Variants in NOL8 observed in about 807,000 individuals in gnomAD.
The protein encoded by NOL8 is nucleolar protein Nop132.
Under a neutral mutation model 116.1 loss-of-function variants are expected in NOL8, and 93 were observed. The observed-to-expected ratio is 0.80, with a 90% CI of 0.68 to 0.95. The LOEUF is 0.95. NOL8 is among the 40% of genes least tolerant of loss of function. The pLI is 0.00. For missense variants in NOL8, 1,291 were observed against 1,382.8 expected (o/e 0.93, Z 1.05); for synonymous variants, 419 against 469.0 (o/e 0.89, Z 1.38).
intron 7 of NOL8, among the ~76,000 whole-genome samples, chr9:92,313,665 A>G (rs1353560975): frequency 6.6e-6 from 1 of 152,214 alleles, no homozygotes; most frequent in Non-Finnish European, 1.5e-5. Flanking sequence ...CCTTTTTCCT[A>G]GAATGAAAGC....
chr9:92,298,172 C>T, intron 16 of NOL8, 85 bp downstream of exon 16: 3 of 1,015,932 alleles, frequency 3.0e-6, no homozygotes, highest in Admixed American at 2.2e-5. Flanking sequence ...TCACCTATAC[C>T]ATTCATGAGT....
intron 6 of NOL8, among the ~76,000 whole-genome samples, chr9:92,317,030 A>G (rs1471872685): frequency 2.0e-5 from 3 of 152,158 alleles, no homozygotes; most frequent in Non-Finnish European, 4.4e-5. Flanking sequence ...GTGGCTCAAT[A>G]CAGCTTCAAC....
chr9:92,309,177 T>G (rs1838539901), intron 10 of NOL8, among the ~76,000 whole-genome samples: 1 of 152,234 alleles, frequency 6.6e-6, no homozygotes, highest in African/African-American at 2.4e-5. Flanking sequence ...CTTGGTTTCC[T>G]GAAACAGTCC....
Position 92,315,719 on chromosome 9 carries a change from A to G in NOL8, c.906T>C (p.Thr302=), listed in dbSNP as rs1459765157. The change falls in exon 7 of 17, where the codon ACT becomes ACC. Residue 302 remains threonine, a synonymous_variant. Transcript: ENST00000442668. ...KKRNSISDDD[T]DSEDELRMMI... ...TCATTCTCAATTCATCTTCAGAATCAGTATCATCATCAGAAATGCTGTTTC... is the reference window on the plus strand; with the variant it reads ...TCATTCTCAATTCATCTTCAGAATCGGTATCATCATCAGAAATGCTGTTTC... The G allele has an allele frequency of 6.2e-7, 1 of 1,613,024 alleles. No homozygotes were observed. Among genetic ancestry groups the G allele is most frequent in the Non-Finnish European group, 8.5e-7 (1 of 1,179,376 alleles).
At position 92,309,746 on chromosome 9, in the gene NOL8, T is replaced by C. The variant is rs1231898524; in HGVS notation, c.2686+425A>G. Among the ~76,000 whole-genome samples the C allele has an allele frequency of 4.6e-5, 7 of 152,180 alleles. No homozygotes were observed. The East Asian group carries it at 1.4e-3, about 29-fold the overall frequency. ...AGGGATAAATTCAAGTAGAATGGCA[T>C]TCAGTGATACACAGCTTTAAAAAAT... On this transcript the variant is annotated intron_variant, in intron 10 of 16. Coordinates refer to ENST00000442668, the MANE Select transcript of NOL8 (RefSeq NM_017948.6).
intron 5 of NOL8, 83 bp downstream of exon 5, chr9:92,319,138 T>G (rs1402974126): frequency 7.1e-7 from 1 of 1,411,068 alleles, no homozygotes; most frequent in African/African-American, 1.5e-5. Context: ...TAACTGGTTT[T>G]AGACATGACA....
rs146818853 is a variant in NOL8 at position 92,319,405 on chromosome 9, G to A, written c.282-49C>T. ...TAAAAGAGTCAAAATAATCAGCCAC[G>A]TAAAATGGTTATTTCACTTTAGGTG... On this transcript the variant is annotated intron_variant, in intron 4 of 16. Coordinates refer to ENST00000442668, the MANE Select transcript of NOL8 (RefSeq NM_017948.6). The A allele has an allele frequency of 2.9e-3, 4,312 of 1,478,228 alleles. 10 individuals are homozygous for A. Among genetic ancestry groups the A allele is most frequent in the Middle Eastern group, 5.9e-3 (33 of 5,556 alleles). 91.6% of individuals were successfully genotyped at this position (1,478,228 alleles called of 1,614,324 possible).
In NOL8 at chr9:92,297,827, T is replaced by C; in HGVS notation, c.*9A>G. ...GTTCACATTCAGTATCAAAACCAGC[T>C]GACATTTATTATTTTGGTTTCATTT... On this transcript the variant is annotated 3_prime_UTR_variant, in exon 17 of 17. Transcript: ENST00000442668. 1 of 1,547,174 alleles carries C rather than the reference T, an allele frequency of 6.5e-7. No homozygotes were observed. Among genetic ancestry groups the C allele is most frequent in the Non-Finnish European group, 8.7e-7 (1 of 1,143,990 alleles).
chr9:92,319,210 A>C lies in NOL8; in HGVS notation c.417+11T>G. ...ACCATGTAATTGGCTCAGGCTACAG[A>C]GGAGACTCACCTTATGCCCTGGCAC... On this transcript the variant is annotated intron_variant, in intron 5 of 16. Coordinates refer to ENST00000442668, the MANE Select transcript of NOL8 (RefSeq NM_017948.6). The C allele has an allele frequency of 6.5e-7, 1 of 1,537,106 alleles. No homozygotes were observed. Among genetic ancestry groups the C allele is most frequent in the Non-Finnish European group, 8.7e-7 (1 of 1,150,746 alleles).
At chr9:92,300,627 A>G (rs1259196753) in intron 13 of NOL8, 3 of 1,004,260 alleles carry the variant, frequency 3.0e-6, no homozygotes, top group Non-Finnish European at 3.6e-6. Context: ...TATCGTTACT[A>G]TTTACATCAT....
intron 15 of NOL8, chr9:92,298,682 T>C (rs1407667122): frequency 2.1e-6 from 1 of 474,756 alleles, no homozygotes; most frequent in East Asian, 3.3e-5. Flanking sequence ...CAACCCTTTG[T>C]TGATGAGAAT....
intron 7 of NOL8, 40 bp from the exon 8 acceptor site, chr9:92,311,299 T>A: frequency 6.7e-7 from 1 of 1,481,630 alleles, no homozygotes; most frequent in East Asian, 2.3e-5. Context: ...TAAAAAGATT[T>A]ATGATGAAGA....
chr9:92,303,619 G>T (rs1375602836), intron 12 of NOL8, among the ~76,000 whole-genome samples: 1 of 152,070 alleles, frequency 6.6e-6, no homozygotes, highest in African/African-American at 2.4e-5. Context: ...AAAATTCTTT[G>T]TTAAGACCCT....
intron 7 of NOL8, among the ~76,000 whole-genome samples, chr9:92,313,281 G>GAGCC (rs1258708182): frequency 6.6e-6 from 1 of 152,152 alleles, no homozygotes; most frequent in African/African-American, 2.4e-5. Context: ...GTTACAGACG[G>GAGCC]AGCCGTTCGA....
Position 92,298,310 on chromosome 9 carries a change from C to A in NOL8, c.3400G>T (p.Gly1134Ter). 6.2e-7 allele frequency: 1 copy of A among 1,608,376 alleles called. No homozygotes were observed. Among genetic ancestry groups the A allele is most frequent in the Non-Finnish European group, 8.5e-7 (1 of 1,177,388 alleles). Residue 1134 changes from glycine (G) to a stop codon, truncating the protein, a stop_gained, in exon 16 of 17, where the codon GGA becomes TGA. Coordinates refer to ENST00000442668, the MANE Select transcript of NOL8 (RefSeq NM_017948.6). LOFTEE classifies it high-confidence loss of function. ...CAAGAGTTCCTGCTCATATTACTTC[C>A]TACTCCTCTCCAGAATAAGTCAGAA... ...QGSDLFWRGV[G>*]SNMSRNSWEA...
At chr9:92,311,727 G>C (rs990863077) in intron 7 of NOL8, among the ~76,000 whole-genome samples, 5 of 152,278 alleles carry the variant, frequency 3.3e-5, no homozygotes, top group Admixed American at 2.6e-4. Context: ...TGCAGAGAAA[G>C]GGAAATGCTT....
intron 5 of NOL8, 46 bp from the exon 6 acceptor site, chr9:92,318,732 GA>G: frequency 8.0e-7 from 1 of 1,244,296 alleles, no homozygotes. Context: ...GACACAAATG[GA>G]AAAGATTTAA....
Position 92,299,970 on chromosome 9 carries a change from C to T in NOL8, c.3222G>A (p.Gln1074=), listed in dbSNP as rs1231895420. The T allele has an allele frequency of 3.3e-5, 53 of 1,613,634 alleles. No individual in the cohort carries two copies. Among genetic ancestry groups the T allele is most frequent in the Non-Finnish European group, 4.2e-5 (50 of 1,179,672 alleles). ...ETVKPGKIVW[Q]EDPRLQDSSS... The stretch of plus-strand genomic sequence containing the variant: ...TGCTGTCTTGTAAACGAGGGTCTTC[C>T]TGCCAGACAATCTTTCCAGGTTTCA... Residue 1074 remains glutamine (Q), a synonymous_variant, in exon 14 of 17, where the codon CAG becomes CAA. Coordinates refer to ENST00000442668, the MANE Select transcript of NOL8 (RefSeq NM_017948.6).
Position 92,298,327 on chromosome 9 carries a change from A to G in NOL8, c.3383T>C (p.Leu1128Ser). 2 of 1,603,750 alleles carry G rather than the reference A, an allele frequency of 1.2e-6. No individual in the cohort carries two copies. The highest frequency in any genetic ancestry group is 1.7e-6 in the Non-Finnish European group (2 of 1,175,056). ...ATTACTTCCTACTCCTCTCCAGAAT[A>G]AGTCAGAACCTATTAGGGGAAAAAG... ...KNDERLQGSD[L>S]FWRGVGSNMS... Residue 1128 changes from leucine (L) to serine (S), a missense_variant, in exon 16 of 17, where the codon TTA becomes TCA. Leu to Ser is a moderately radical substitution (Grantham distance 145). Transcript: ENST00000442668.
Sources: allele counts gnomAD v4.1 joint callset (sites outside exome capture counted in the v4.1 genomes callset), GRCh38; gene constraint gnomAD v4.1.1; transcripts MANE v1.5; gene names NCBI Gene and HGNC (gene_info 2026-07-23, HGNC 2026-07-21).